Variants in DDAH1 observed in about 807,000 individuals in gnomAD.
DDAH1 encodes the protein N(G),N(G)-dimethylarginine dimethylaminohydrolase 1.
In DDAH1, 19 loss-of-function variants were observed where a neutral mutation model predicts 28.8. That is an observed-to-expected ratio of 0.66 (90% CI 0.46 to 0.97). DDAH1 has a LOEUF of 0.97. Ranked by LOEUF, DDAH1 falls within the 50% of genes least tolerant of loss-of-function variation. The pLI, the probability that DDAH1 is intolerant of heterozygous loss-of-function variation, is 0.00. For synonymous variants in DDAH1, 153 were observed against 154.4 expected (o/e 0.99, Z 0.07); for missense variants, 326 against 375.9 (o/e 0.87, Z 1.10).
chr1:85,484,138 A>C (rs1361013730), intron 2 of DDAH1, among the ~76,000 whole-genome samples: 3 of 148,668 alleles, frequency 2.0e-5, no homozygotes, highest in African/African-American at 7.4e-5. Context: ...AACATTTCTT[A>C]ATCTCTCTTG....
At chr1:85,383,982 G>C (rs1388227990) in intron 1 of DDAH1, among the ~76,000 whole-genome samples, 2 of 152,164 alleles carry the variant, frequency 1.3e-5, no homozygotes, top group East Asian at 3.9e-4. Flanking sequence ...TGCTTTTATT[G>C]TAATAATCTG....
intron 4 of DDAH1, among the ~76,000 whole-genome samples, chr1:85,325,353 G>A (rs1647306558): frequency 7.7e-6 from 1 of 130,212 alleles, no homozygotes; most frequent in African/African-American, 2.8e-5. Flanking sequence ...ATGCACGTGC[G>A]TGCGCGCGCG....
upstream of DDAH1, among the ~76,000 whole-genome samples, chr1:85,466,576 C>CT (rs1655389694): frequency 2.0e-5 from 3 of 152,080 alleles, no homozygotes; most frequent in Admixed American, 2.0e-4. Flanking sequence ...AAGGACAGCT[C>CT]TGACACTGAC....
chr1:85,432,541 T>C (rs1316320048), intron 1 of DDAH1, among the ~76,000 whole-genome samples: 2 of 152,174 alleles, frequency 1.3e-5, no homozygotes, highest in Non-Finnish European at 2.9e-5. Context: ...GTAGATTCCA[T>C]CGTGCCTGGA....
At chr1:85,482,246 A>G (rs1656035828) in intron 2 of DDAH1, 1 of 152,214 alleles carries the variant, frequency 6.6e-6, no homozygotes, top group African/African-American at 2.4e-5. Context: ...CCAATTCTGT[A>G]TCACCACTGC....
rs1655604221 is a variant in DDAH1 at position 85,471,114 on chromosome 1, G to A, written c.-7+25052C>T. Among the ~76,000 whole-genome samples, 3 of 152,194 alleles carry A rather than the reference G, an allele frequency of 2.0e-5. No homozygotes were observed. The South Asian group carries it at 6.2e-4, about 32-fold the overall frequency. On this transcript the variant is annotated intron_variant, in intron 2 of 6. Transcript: ENST00000426972. ...GGGATATACTTACAGGAGACTGGAG[G>A]ACAAGAGGGGACAGAGATTGGGGTA...
At chr1:85,481,000 G>C (rs2100716308) in intron 2 of DDAH1, among the ~76,000 whole-genome samples, 1 of 151,090 alleles carries the variant, frequency 6.6e-6, no homozygotes, top group East Asian at 1.9e-4. Flanking sequence ...GGGATTATAG[G>C]TGATTTTTAT....
At chr1:85,474,485 G>A (rs1379068682) in intron 2 of DDAH1, among the ~76,000 whole-genome samples, 1 of 152,068 alleles carries the variant, frequency 6.6e-6, no homozygotes, top group Non-Finnish European at 1.5e-5. Flanking sequence ...CCATTTCCTG[G>A]AATGTGTGTG....
At chr1:85,523,936 T>A (rs1248333487) in intron 1 of DDAH1, among the ~76,000 whole-genome samples, 1 of 152,054 alleles carries the variant, frequency 6.6e-6, no homozygotes, top group African/African-American at 2.4e-5. Flanking sequence ...AGCAATCGAA[T>A]TTTTTGCCTA....
At position 85,407,172 on chromosome 1, in the gene DDAH1, C is replaced by T. The variant is rs146382598; in HGVS notation, c.304-48325G>A. Among the ~76,000 whole-genome samples, 308 of 152,232 alleles carry T rather than the reference C, an allele frequency of 2.0e-3. 2 individuals carry two copies. The highest frequency in any genetic ancestry group is 3.5e-3 in the Admixed American group (53 of 15,282). On this transcript the variant is annotated intron_variant, in intron 1 of 5. Coordinates refer to ENST00000284031, the MANE Select transcript of DDAH1 (RefSeq NM_012137.4). ...CAGCTGCACACAGACTTTCCCATTG[C>T]CCCAGTATTAAAGTTCTGGGTAAAA...
chr1:85,393,581 CTTCT>C (rs2100560145), intron 1 of DDAH1, among the ~76,000 whole-genome samples: 1 of 152,310 alleles, frequency 6.6e-6, no homozygotes, highest in Non-Finnish European at 1.5e-5. Flanking sequence ...TTTCTAAGGG[CTTCT>C]CTTTCTTTGC....
intron 2 of DDAH1, among the ~76,000 whole-genome samples, chr1:85,474,830 G>C (rs1427968437): frequency 6.6e-6 from 1 of 152,088 alleles, no homozygotes; most frequent in Non-Finnish European, 1.5e-5. Flanking sequence ...GCCCCTTCCA[G>C]CTTTAAGAAT....
intron 2 of DDAH1, among the ~76,000 whole-genome samples, chr1:85,486,172 C>T (rs1242928996): frequency 6.6e-6 from 1 of 152,138 alleles, no homozygotes; most frequent in Non-Finnish European, 1.5e-5. Context: ...AACTTACTAT[C>T]ACAATGCCTA....
intron 1 of DDAH1, among the ~76,000 whole-genome samples, chr1:85,377,030 G>A (rs531593539): frequency 3.3e-5 from 5 of 152,222 alleles, no homozygotes; most frequent in Admixed American, 1.3e-4. Context: ...TTCTGGACTG[G>A]AGAATTAAAT....
chr1:85,434,893 A>G (rs1324718324), intron 1 of DDAH1, among the ~76,000 whole-genome samples: 1 of 152,024 alleles, frequency 6.6e-6, no homozygotes, highest in Non-Finnish European at 1.5e-5. Flanking sequence ...ATTAGTATAT[A>G]ATATGAAAGA....
chr1:85,408,318 GTAA>G (rs1652503067), intron 1 of DDAH1, among the ~76,000 whole-genome samples: 1 of 147,532 alleles, frequency 6.8e-6, no homozygotes, highest in Non-Finnish European at 1.5e-5. Context: ...TCTTTTTGTG[GTAA>G]AATATTCAGG....
intron 1 of DDAH1, among the ~76,000 whole-genome samples, chr1:85,368,064 G>A (rs1650167852): frequency 6.6e-6 from 1 of 152,052 alleles, no homozygotes; most frequent in Admixed American, 6.5e-5. Flanking sequence ...TATTAATGGA[G>A]GATTTTTTTC....
chr1:85,345,649 G>A (rs1648797859), intron 4 of DDAH1, among the ~76,000 whole-genome samples: 1 of 152,176 alleles, frequency 6.6e-6, no homozygotes, highest in African/African-American at 2.4e-5. Flanking sequence ...CAGATCACTT[G>A]AGGTCAGGAG....
chr1:85,465,379 G>GGGACCTCGGCGAAAAGCCACCGCTACCC (rs1557662891), upstream of DDAH1, among the ~76,000 whole-genome samples: 1 of 152,214 alleles, frequency 6.6e-6, no homozygotes, highest in African/African-American at 2.4e-5. Flanking sequence ...GCGGAGGCGG[G>GGGACCTCGGCGAAAAGCCACCGCTACCC]GGACCTCGGC....
Sources: allele counts gnomAD v4.1 joint callset (sites outside exome capture counted in the v4.1 genomes callset), GRCh38; gene constraint gnomAD v4.1.1; transcripts MANE v1.5; gene names NCBI Gene and HGNC (gene_info 2026-07-23, HGNC 2026-07-21).